The following IQCH variants were observed in gnomAD, a reference collection of about 807,000 sequenced individuals.
The protein encoded by IQCH is IQ domain-containing protein H.
In IQCH, 98 loss-of-function variants were observed where a neutral mutation model predicts 117.0. That is an observed-to-expected ratio of 0.84 (90% CI 0.71 to 0.99). The LOEUF (loss-of-function observed/expected upper bound fraction) is 0.99. IQCH is among the 50% of genes least tolerant of loss of function. The pLI is 0.00. For missense variants in IQCH, 1,102 were observed against 1,243.8 expected (o/e 0.89, Z 1.72); for synonymous variants, 412 against 448.2 (o/e 0.92, Z 1.02).
At chr15:67,487,654 C>T (rs899982605) in intron 18 of IQCH, among the ~76,000 whole-genome samples, 1 of 152,036 alleles carries the variant, frequency 6.6e-6, no homozygotes, top group African/African-American at 2.4e-5. Flanking sequence ...AGTAAATCAG[C>T]ATTTCTGGAA....
At chr15:67,410,445 C>T (rs1194802345) in intron 14 of IQCH, among the ~76,000 whole-genome samples, 1 of 152,204 alleles carries the variant, frequency 6.6e-6, no homozygotes, top group Non-Finnish European at 1.5e-5. Context: ...CCAGTAGCTC[C>T]TGCAGTTTGT....
At chr15:67,484,727 T>G (rs559647428) in intron 18 of IQCH, among the ~76,000 whole-genome samples, 21 of 150,980 alleles carry the variant, frequency 1.4e-4, no homozygotes, top group Admixed American at 9.9e-4. Context: ...GGTGACAGAG[T>G]GAGACTCCAT....
chr15:67,309,285 A>G (rs1421276762), intron 4 of IQCH, among the ~76,000 whole-genome samples: 2 of 152,080 alleles, frequency 1.3e-5, no homozygotes, highest in African/African-American at 4.8e-5. Flanking sequence ...AAAACATATT[A>G]TTGTAGGGGT....
intron 12 of IQCH, among the ~76,000 whole-genome samples, chr15:67,389,478 G>T (rs1971213650): frequency 6.8e-6 from 1 of 146,038 alleles, no homozygotes; most frequent in Non-Finnish European, 1.5e-5. Context: ...CAATGTTCAG[G>T]TTTTTTTTTT....
chr15:67,276,979 T>G (rs1191704939), intron 3 of IQCH, among the ~76,000 whole-genome samples: 2 of 152,226 alleles, frequency 1.3e-5, no homozygotes, highest in African/African-American at 4.8e-5. Context: ...AACTGAATAT[T>G]CTGTACTGTT....
chr15:67,359,761 G>A lies in IQCH; in HGVS notation c.715-86G>A. On this transcript the variant is annotated intron_variant, in intron 7 of 20. Transcript: ENST00000335894. This position sits in a 1 kb window ranked among gnomAD's most constrained non-coding sequence, Gnocchi z 4.5. ...GCCCAGCGGGTAAAATGGGGAAGGG[G>A]GTGAGGCTCTGAGCCTTCTATTTGT... 2 of 1,164,074 alleles carry A rather than the reference G, an allele frequency of 1.7e-6. No homozygotes were observed. Among genetic ancestry groups the A allele is most frequent in the South Asian group, 1.2e-5 (1 of 81,700 alleles). 72.1% of individuals were successfully genotyped at this position (1,164,074 alleles called of 1,614,324 possible).
At position 67,484,937 on chromosome 15, in the gene IQCH, T is replaced by C. The variant is rs942277197; in HGVS notation, c.2800-5066T>C. On this transcript the variant is annotated intron_variant, in intron 18 of 20. Coordinates refer to ENST00000335894, the MANE Select transcript of IQCH (RefSeq NM_001031715.3). ...GTATACTAAAAGAAGGACCAAATCA[T>C]TGAAAACAAAGGGGAAAAAAAGAAA... Among the ~76,000 whole-genome samples the C allele has an allele frequency of 5.3e-5, 8 of 151,706 alleles. No individual in the cohort carries two copies. The South Asian group carries it at 6.3e-4, about 12-fold the overall frequency.
intron 16 of IQCH, among the ~76,000 whole-genome samples, chr15:67,461,664 G>A (rs1381940836): frequency 6.6e-6 from 1 of 152,242 alleles, no homozygotes; most frequent in Non-Finnish European, 1.5e-5. Context: ...GCAGCCAGAG[G>A]AAGCAAAAGC....
rs1289409355 is a variant in IQCH, at chr15:67,347,339, A to G, written c.637+3148A>G. Among the ~76,000 whole-genome samples, 4 of 152,286 alleles carry G rather than the reference A, an allele frequency of 2.6e-5. No individual in the cohort carries two copies. The East Asian group carries it at 5.8e-4, about 22-fold the overall frequency. The stretch of plus-strand genomic sequence containing the variant: ...AATGACCAGTATCAGGAACAAAAGA[A>G]GAGACATCATTACAGATCCTATAGA... On this transcript the variant is annotated intron_variant, in intron 6 of 20. Transcript: ENST00000335894.
chr15:67,296,730 A>T (rs931000769), intron 4 of IQCH, among the ~76,000 whole-genome samples: 4 of 152,190 alleles, frequency 2.6e-5, no homozygotes, highest in African/African-American at 9.6e-5. Context: ...TTGTGATGAA[A>T]TGAGGCTTTG....
chr15:67,330,681 G>T (rs1170008991), intron 4 of IQCH, among the ~76,000 whole-genome samples: 1 of 152,134 alleles, frequency 6.6e-6, no homozygotes, highest in Non-Finnish European at 1.5e-5. Flanking sequence ...AAACAAAAAA[G>T]CCCCACTGGG....
Position 67,366,087 on chromosome 15 carries a change from A to G in IQCH, c.754-6024A>G, listed in dbSNP as rs948480308. ...GAATGTCAAGCTTTACTTTGGTGAT[A>G]ATAGCAGTCCTTTTTGAGGCTTGCT... On this transcript the variant is annotated intron_variant, in intron 8 of 20. Coordinates refer to ENST00000335894, the MANE Select transcript of IQCH (RefSeq NM_001031715.3). This position sits in a 1 kb window ranked among gnomAD's most constrained non-coding sequence, Gnocchi z 4.4. 1.3e-5 allele frequency among the ~76,000 whole-genome samples: 2 copies of G among 152,206 alleles called. No individual in the cohort carries two copies. Among genetic ancestry groups the G allele is most frequent in the Non-Finnish European group, 2.9e-5 (2 of 68,038 alleles).
intron 4 of IQCH, among the ~76,000 whole-genome samples, chr15:67,328,644 T>C (rs1596191578): frequency 6.6e-6 from 1 of 152,244 alleles, no homozygotes; most frequent in Admixed American, 6.5e-5. Context: ...TGCAAAAAAG[T>C]GCTAGGTGAG....
At chr15:67,478,817 G>A (rs148338864) in intron 18 of IQCH, among the ~76,000 whole-genome samples, 78 of 151,812 alleles carry the variant, frequency 5.1e-4, no homozygotes, top group African/African-American at 1.8e-3. Flanking sequence ...CTAGCTACTC[G>A]GGAGGCTGAG....
rs1306660056 is a variant in IQCH at position 67,408,224 on chromosome 15, T to A, written c.2097+7919T>A. The A allele has an allele frequency of 6.6e-6, 1 of 152,170 alleles. No homozygotes were observed. The highest frequency in any genetic ancestry group is 1.5e-5 in the Non-Finnish European group (1 of 68,062). 9.4% of individuals were successfully genotyped at this position (152,170 alleles called of 1,614,324 possible). On this transcript the variant is annotated intron_variant, in intron 14 of 20. Coordinates refer to ENST00000335894, the MANE Select transcript of IQCH (RefSeq NM_001031715.3). This position sits in a 1 kb window ranked among gnomAD's most constrained non-coding sequence, Gnocchi z 4.2. Reference sequence around the variant, plus strand: ...ACATCCAGGAAGTCCCTGTTGGAGGTCTTTTGGAAAGGTCCGCTTTGCTGA... The same window carrying A: ...ACATCCAGGAAGTCCCTGTTGGAGGACTTTTGGAAAGGTCCGCTTTGCTGA...
Position 67,421,380 on chromosome 15 carries a change from C to G in IQCH, c.2308C>G (p.Leu770Val), listed in dbSNP as rs1176498291. The G allele has an allele frequency of 6.2e-7, 1 of 1,614,074 alleles. No homozygotes were observed. The highest frequency in any genetic ancestry group is 2.2e-5 in the East Asian group (1 of 44,892). ...LIEPNGKISV[L>V]STGDQLHAES... ...AGAGCCCAACGGGAAAATCAGCGTG[C>G]TGTCGACAGGGGACCAGCTTCATGC... Residue 770 changes from leucine to valine, a missense_variant, in exon 16 of 21, where the codon CTG (leucine) becomes GTG (valine). Leu to Val is a conservative substitution (Grantham distance 32, BLOSUM62 1). This residue lies in a region of IQCH where 650 missense variants were observed against 794.3 expected (regional missense o/e 0.82). Coordinates refer to ENST00000335894, the MANE Select transcript of IQCH (RefSeq NM_001031715.3).
chr15:67,261,040 G>A (rs1326055268), intron 1 of IQCH, among the ~76,000 whole-genome samples: 4 of 147,960 alleles, frequency 2.7e-5, no homozygotes, highest in Non-Finnish European at 5.9e-5. Flanking sequence ...AGGTTGCAGT[G>A]AGCCTAGATC....
At position 67,417,684 on chromosome 15, in the gene IQCH, T is replaced by G. The variant is rs2081611569; in HGVS notation, c.2218+633T>G. On this transcript the variant is annotated intron_variant, in intron 15 of 20. Coordinates refer to ENST00000335894, the MANE Select transcript of IQCH (RefSeq NM_001031715.3). This position sits in a 1 kb window ranked among gnomAD's most constrained non-coding sequence, Gnocchi z 4.3. ...GGTGGTCTATGAATGAGGGAATGAA[T>G]GGAGTGAATGATGCCTGTCTACCGT... Among the ~76,000 whole-genome samples, 2 of 152,078 alleles carry G rather than the reference T, an allele frequency of 1.3e-5. No homozygotes were observed.
chr15:67,398,864 T>C (rs1016376500), intron 13 of IQCH, among the ~76,000 whole-genome samples: 5 of 152,168 alleles, frequency 3.3e-5, no homozygotes, highest in African/African-American at 1.2e-4. Flanking sequence ...TAGTGTTATT[T>C]TGTTGCTTTC....
Sources: gnomAD v4.1 joint callset for allele counts (sites outside exome capture counted in the v4.1 genomes callset) on GRCh38, gnomAD v4.1.1 for gene constraint, gnomAD v4.1.1 regional missense constraint, Gnocchi (gnomAD v3.1) non-coding constraint, MANE v1.5 for transcripts, NCBI Gene and HGNC (gene_info 2026-07-23, HGNC 2026-07-21) for gene names.